The following ABCA13 variants were observed in gnomAD, a reference collection of about 807,000 sequenced individuals.
ABCA13 encodes the protein ATP-binding cassette sub-family A member 13.
In ABCA13, 476 loss-of-function variants were observed where a neutral mutation model predicts 478.7. The observed-to-expected ratio is 0.99, with a 90% CI of 0.92 to 1.07. The LOEUF (loss-of-function observed/expected upper bound fraction) is 1.07. ABCA13 is among the 50% of genes least tolerant of loss of function. The pLI is 0.00. For synonymous variants in ABCA13, 2,252 were observed against 2,158.9 expected, an observed-to-expected ratio of 1.04 and a Z score of -1.20; for missense variants, 6,060 against 5,910.6, an observed-to-expected ratio of 1.03 and a Z score of -0.83.
At chr7:48,556,734 T>C (rs561542434) in intron 55 of ABCA13, among the ~76,000 whole-genome samples, 32 of 152,092 alleles carry the variant, frequency 2.1e-4, no homozygotes, top group African/African-American at 7.5e-4. Flanking sequence ...CAGCAGATCA[T>C]TGAGTCTTGT....
At chr7:48,322,420 C>T (rs1803626653) in intron 27 of ABCA13, among the ~76,000 whole-genome samples, 1 of 152,208 alleles carries the variant, frequency 6.6e-6, no homozygotes, top group African/African-American at 2.4e-5. Flanking sequence ...GCCAGAGACG[C>T]ATGTCCTCAC....
intron 54 of ABCA13, among the ~76,000 whole-genome samples, chr7:48,526,184 T>C (rs1287725032): frequency 6.6e-6 from 1 of 152,054 alleles, no homozygotes; most frequent in Non-Finnish European, 1.5e-5. Flanking sequence ...GAAAAGAGGT[T>C]CTAGTTTCTA....
intron 48 of ABCA13, 124 bp from the exon 49 acceptor site, chr7:48,506,212 G>T: frequency 9.9e-7 from 1 of 1,006,918 alleles, no homozygotes. Flanking sequence ...TAATTGACCA[G>T]GGCCTGGGCA....
chr7:48,444,483 G>A (rs1433301864), intron 42 of ABCA13, among the ~76,000 whole-genome samples: 1 of 152,004 alleles, frequency 6.6e-6, no homozygotes, highest in Non-Finnish European at 1.5e-5. Context: ...TCCTCTTTTT[G>A]GGCAAAACTT....
chr7:48,572,901 G>A (rs909558869), intron 55 of ABCA13, among the ~76,000 whole-genome samples: 23 of 151,936 alleles, frequency 1.5e-4, no homozygotes, highest in African/African-American at 4.1e-4. Flanking sequence ...ATTCAATTTC[G>A]TTTTACATGT....
At chr7:48,288,991 T>TTC (rs1267607676) in intron 20 of ABCA13, among the ~76,000 whole-genome samples, 61 of 152,306 alleles carry the variant, frequency 4.0e-4, no homozygotes, top group Admixed American at 3.4e-3. Context: ...TGAATGTTGT[T>TTC]TCTTGCTTTT....
chr7:48,214,021 T>C (rs556978233), intron 3 of ABCA13, among the ~76,000 whole-genome samples: 1 of 152,326 alleles, frequency 6.6e-6, no homozygotes, highest in Non-Finnish European at 1.5e-5. Context: ...TATCTATGAC[T>C]CTATAGCTTT....
chr7:48,562,544 A>G (rs1043047845), intron 55 of ABCA13, among the ~76,000 whole-genome samples: 2 of 147,268 alleles, frequency 1.4e-5, no homozygotes, highest in African/African-American at 5.2e-5. Flanking sequence ...ATTGGGTACC[A>G]TAGAACCTAA....
intron 55 of ABCA13, among the ~76,000 whole-genome samples, chr7:48,552,808 CTT>C (rs1039729453): frequency 2.0e-5 from 3 of 151,520 alleles, no homozygotes; most frequent in African/African-American, 4.8e-5. Context: ...CCCTCAAACA[CTT>C]ATCCTTTTTG....
rs186219534 is a variant in ABCA13 at position 48,236,332 on chromosome 7, A to G, written c.897+2181A>G. On this transcript the variant is annotated intron_variant, in intron 8 of 61. Transcript: ENST00000435803. ...CTTTACAGATGAAAATTATCTTAAT[A>G]ATGTAAATTTTCTTTATAAATCTAA... is the stretch of plus-strand genomic sequence containing the variant. 2.3e-3 allele frequency among the ~76,000 whole-genome samples: 350 copies of G among 152,302 alleles called. 2 individuals carry two copies. Among genetic ancestry groups the G allele is most frequent in the Middle Eastern group, 0.01 (3 of 294 alleles).
chr7:48,516,285 T>A (rs1832103346), intron 51 of ABCA13, among the ~76,000 whole-genome samples: 1 of 152,200 alleles, frequency 6.6e-6, no homozygotes, highest in African/African-American at 2.4e-5. Flanking sequence ...GGGCACAGTG[T>A]TCTGAGTAGC....
At chr7:48,593,218 G>A (rs1789936352) in intron 57 of ABCA13, among the ~76,000 whole-genome samples, 1 of 144,140 alleles carries the variant, frequency 6.9e-6, no homozygotes, top group Non-Finnish European at 1.5e-5. Context: ...GGTATGCTTT[G>A]ATTCATTTCT....
chr7:48,273,966 A>C lies in ABCA13; in HGVS notation c.4300A>C (p.Ile1434Leu), dbSNP rs17132195. 3 of 1,610,330 alleles carry C rather than the reference A, an allele frequency of 1.9e-6. No individual in the cohort carries two copies. Among genetic ancestry groups the C allele is most frequent in the South Asian group, 1.1e-5 (1 of 90,588 alleles). Residue 1434 changes from isoleucine (I) to leucine (L), a missense_variant, in exon 17 of 62, where the codon ATA (isoleucine) becomes CTA (leucine). Physicochemically the swap from Ile to Leu is conservative, Grantham distance 5. Transcript: ENST00000435803. ...AGATATAGAAAACAAAATGAACTCT[A>C]TATTAAAAATTGTAACTTGGGTGTT... ...FRDIENKMNS[I>L]LKIVTWVLNI...
At position 48,412,335 on chromosome 7, in the gene ABCA13, C is replaced by A; in HGVS notation, c.12229-18C>A. The stretch of plus-strand genomic sequence containing the variant: ...AACATTCCTTACTGGCTTCTTTTTT[C>A]CTTTTTTTTATGGATAGCCTTCTGT... On this transcript the variant is annotated intron_variant, in intron 40 of 61. Transcript: ENST00000435803. 1 of 1,581,452 alleles carries A rather than the reference C, an allele frequency of 6.3e-7. No homozygotes were observed. Among genetic ancestry groups the A allele is most frequent in the South Asian group, 1.1e-5 (1 of 87,012 alleles).
intron 59 of ABCA13, among the ~76,000 whole-genome samples, chr7:48,625,388 C>A (rs1227179935): frequency 1.3e-5 from 2 of 152,134 alleles, no homozygotes; most frequent in Non-Finnish European, 2.9e-5. Flanking sequence ...ATAATTTCTG[C>A]CATGATGTGG....
intron 1 of ABCA13, among the ~76,000 whole-genome samples, chr7:48,172,946 G>A (rs970053731): frequency 6.6e-6 from 1 of 151,434 alleles, no homozygotes; most frequent in African/African-American, 2.4e-5. Flanking sequence ...TGACATGTAA[G>A]TTTGTTTTAG....
intron 15 of ABCA13, among the ~76,000 whole-genome samples, chr7:48,268,010 A>G (rs1170588501): frequency 6.6e-6 from 1 of 152,144 alleles, no homozygotes; most frequent in African/African-American, 2.4e-5. Context: ...GATGATAAAT[A>G]CTTCCCACTC....
chr7:48,376,248 A>G (rs1038869062), intron 34 of ABCA13, among the ~76,000 whole-genome samples, 193 bp from the exon 35 acceptor site: 15 of 152,210 alleles, frequency 9.9e-5, no homozygotes, highest in African/African-American at 3.6e-4. Flanking sequence ...CCCCCACCTG[A>G]TATCATTGAA....
At chr7:48,576,909 A>T (rs576600586) in intron 55 of ABCA13, among the ~76,000 whole-genome samples, 122 of 152,362 alleles carry the variant, frequency 8.0e-4, no homozygotes, top group African/African-American at 2.9e-3. Flanking sequence ...GAATTAAACT[A>T]GAAATAAAAA....
Sources: allele counts gnomAD v4.1 joint callset (sites outside exome capture counted in the v4.1 genomes callset), GRCh38; gene constraint gnomAD v4.1.1; transcripts MANE v1.5; gene names NCBI Gene and HGNC (gene_info 2026-07-23, HGNC 2026-07-21).